Variants in PPP2R2B observed in about 807,000 individuals in gnomAD.
PPP2R2B encodes the protein protein phosphatase 2 regulatory subunit Bbeta, also known as serine/threonine-protein phosphatase 2A 55 kDa regulatory subunit B beta isoform.
Under a neutral mutation model 46.0 loss-of-function variants are expected in PPP2R2B, and 5 were observed. The ratio of observed to expected loss-of-function variants is 0.11; its 90% confidence interval spans 0.06 to 0.23. The LOEUF is 0.23. Among genes scored for constraint, PPP2R2B ranks in the 10% least tolerant of loss-of-function variants. The pLI is 1.00. For missense variants in PPP2R2B, 367 were observed against 575.0 expected, an observed-to-expected ratio of 0.64 and a Z score of 3.70; for synonymous variants, 215 against 206.7, an observed-to-expected ratio of 1.04 and a Z score of -0.34.
At chr5:146,788,475 C>T (rs1755986272) in intron 2 of PPP2R2B, among the ~76,000 whole-genome samples, 1 of 151,968 alleles carries the variant, frequency 6.6e-6, no homozygotes, top group Admixed American at 6.6e-5. Context: ...TGGCTCACGC[C>T]TCCCAGCACG....
At chr5:146,909,373 C>A (rs1015757914) in intron 1 of PPP2R2B, among the ~76,000 whole-genome samples, 1 of 152,200 alleles carries the variant, frequency 6.6e-6, no homozygotes, top group Non-Finnish European at 1.5e-5. Flanking sequence ...CAAAGAATGA[C>A]AATGTGACCC....
At chr5:146,723,418 C>A (rs547071656) in intron 2 of PPP2R2B, among the ~76,000 whole-genome samples, 1 of 152,026 alleles carries the variant, frequency 6.6e-6, no homozygotes, top group Non-Finnish European at 1.5e-5. Flanking sequence ...AATCTCTGGG[C>A]GAGGGAGAAT....
At chr5:146,746,043 GCA>G (rs1362880196) in intron 2 of PPP2R2B, among the ~76,000 whole-genome samples, 3 of 152,074 alleles carry the variant, frequency 2.0e-5, no homozygotes, top group Non-Finnish European at 4.4e-5. Flanking sequence ...GCATTATGAT[GCA>G]CACACAGTTA....
At chr5:147,015,561 C>A (rs983784426) in intron 1 of PPP2R2B, among the ~76,000 whole-genome samples, 11 of 151,584 alleles carry the variant, frequency 7.3e-5, no homozygotes, top group Non-Finnish European at 1.5e-4. Context: ...AGGAAACCAT[C>A]TGTCTCTGCC....
At chr5:146,776,079 A>C (rs781123784) in intron 2 of PPP2R2B, among the ~76,000 whole-genome samples, 1 of 152,154 alleles carries the variant, frequency 6.6e-6, no homozygotes, top group Non-Finnish European at 1.5e-5. Flanking sequence ...TCAAAGTGAC[A>C]CACAGATTCA....
chr5:146,607,133 A>C (rs1313858693), intron 7 of PPP2R2B: 1 of 152,186 alleles, frequency 6.6e-6, no homozygotes, highest in Non-Finnish European at 1.5e-5. Flanking sequence ...TCGCCGATTG[A>C]GATGCAGCCA....
At chr5:146,872,400 G>T (rs1458207147) in intron 2 of PPP2R2B, among the ~76,000 whole-genome samples, 1 of 152,188 alleles carries the variant, frequency 6.6e-6, no homozygotes, top group Non-Finnish European at 1.5e-5. Flanking sequence ...ACAGCATTCT[G>T]ATCTGGCATT....
chr5:146,618,290 G>A (rs1466988395), intron 7 of PPP2R2B, among the ~76,000 whole-genome samples: 1 of 152,164 alleles, frequency 6.6e-6, no homozygotes. Flanking sequence ...AAGGTGCCAT[G>A]AGCCAAGGGA....
rs78324360 is a variant in PPP2R2B, at chr5:146,621,131, G to A, written c.790+17120C>T. 0.013 allele frequency among the ~76,000 whole-genome samples: 1,906 copies of A among 152,326 alleles called. 115 individuals carry two copies. In the East Asian group the frequency reaches 0.17, roughly 14 times the overall value. On this transcript the variant is annotated intron_variant, in intron 7 of 9. Transcript: ENST00000394411. ...CCTGGAGGGACCCTGGTGTGAGCTGGTCACTGCTTCACTGTCTTCTCATGG... is the reference window on the plus strand; with the variant it reads ...CCTGGAGGGACCCTGGTGTGAGCTGATCACTGCTTCACTGTCTTCTCATGG...
intron 1 of PPP2R2B, among the ~76,000 whole-genome samples, chr5:146,960,832 G>C (rs939256422): frequency 3.3e-5 from 5 of 152,132 alleles, no homozygotes; most frequent in African/African-American, 9.7e-5. Context: ...GAAACTGCAA[G>C]CCCTTTTTCG....
At chr5:147,018,568 G>A (rs1436289216) in intron 1 of PPP2R2B, among the ~76,000 whole-genome samples, 4 of 152,154 alleles carry the variant, frequency 2.6e-5, no homozygotes, top group Non-Finnish European at 4.4e-5. Flanking sequence ...AATAGGAAAT[G>A]TTATGTATCT....
chr5:146,830,421 A>T (rs1221785268), intron 2 of PPP2R2B, among the ~76,000 whole-genome samples: 1 of 152,152 alleles, frequency 6.6e-6, no homozygotes, highest in East Asian at 1.9e-4. Flanking sequence ...ATAAAGCCCA[A>T]CCAACAGTAC....
At chr5:146,875,987 C>T (rs961637312) in intron 2 of PPP2R2B, among the ~76,000 whole-genome samples, 1 of 152,178 alleles carries the variant, frequency 6.6e-6, no homozygotes, top group Non-Finnish European at 1.5e-5. Flanking sequence ...GTATTTACAT[C>T]GTTTAAGTTC....
At chr5:146,801,493 C>T (rs1051151287) in intron 2 of PPP2R2B, among the ~76,000 whole-genome samples, 2 of 152,054 alleles carry the variant, frequency 1.3e-5, no homozygotes, top group African/African-American at 2.4e-5. Context: ...GAATAGGGCC[C>T]CTTTATAACC....
chr5:147,037,601 C>G (rs1209560890), intron 1 of PPP2R2B, among the ~76,000 whole-genome samples: 1 of 151,906 alleles, frequency 6.6e-6, no homozygotes, highest in Non-Finnish European at 1.5e-5. Flanking sequence ...GTTGAGTGAG[C>G]AAGAAACTTT....
At chr5:146,653,026 A>ATT (rs1776081701) in intron 5 of PPP2R2B, among the ~76,000 whole-genome samples, 1 of 152,160 alleles carries the variant, frequency 6.6e-6, no homozygotes, top group Non-Finnish European at 1.5e-5. Flanking sequence ...CAAAATATTT[A>ATT]TTGGGCATTT....
At chr5:146,917,617 T>G (rs1026186616) in intron 1 of PPP2R2B, among the ~76,000 whole-genome samples, 3 of 152,224 alleles carry the variant, frequency 2.0e-5, no homozygotes, top group Non-Finnish European at 4.4e-5. Context: ...TCCCTTCACA[T>G]TTTTTATAAA....
intron 2 of PPP2R2B, among the ~76,000 whole-genome samples, chr5:147,074,019 T>C (rs1158879291): frequency 4.7e-5 from 7 of 148,220 alleles, no homozygotes; most frequent in African/African-American, 1.5e-4. Context: ...CTGGGCGACA[T>C]AGTGAGGCTC....
chr5:146,601,892 G>T (rs1184901814), intron 7 of PPP2R2B, among the ~76,000 whole-genome samples: 1 of 152,100 alleles, frequency 6.6e-6, no homozygotes, highest in African/African-American at 2.4e-5. Context: ...TCTCTCAATA[G>T]CTTCAGCTGA....
Sources: allele counts gnomAD v4.1 joint callset (sites outside exome capture counted in the v4.1 genomes callset), GRCh38; gene constraint gnomAD v4.1.1; transcripts MANE v1.5; gene names NCBI Gene and HGNC (gene_info 2026-07-23, HGNC 2026-07-21).